Variants in HS2ST1 observed in about 807,000 individuals in gnomAD.
The protein encoded by HS2ST1 is heparan sulfate 2-O-sulfotransferase 1.
A neutral mutation model predicts 42.9 loss-of-function variants in HS2ST1; 18 were observed. The ratio of observed to expected loss-of-function variants is 0.42; its 90% confidence interval spans 0.29 to 0.62. The LOEUF (loss-of-function observed/expected upper bound fraction) is 0.62. HS2ST1 is among the 20% of genes least tolerant of loss of function. The pLI is 0.21. For missense variants in HS2ST1, 334 were observed against 433.8 expected (o/e 0.77, Z 2.04); for synonymous variants, 146 against 152.9 (o/e 0.95, Z 0.33).
intron 1 of HS2ST1, among the ~76,000 whole-genome samples, chr1:87,065,984 G>A (rs553104707): frequency 4.9e-4 from 74 of 151,968 alleles, no homozygotes; most frequent in Middle Eastern, 6.8e-3. Flanking sequence ...TATCCCTCTC[G>A]TCCTAAAATG....
intron 1 of HS2ST1, among the ~76,000 whole-genome samples, chr1:86,920,034 T>C (rs1247498846): frequency 7.9e-5 from 12 of 152,350 alleles, no homozygotes; most frequent in Admixed American, 4.6e-4. Flanking sequence ...GTTGCTAATA[T>C]TGACTGGTCG....
intron 1 of HS2ST1, among the ~76,000 whole-genome samples, chr1:86,916,383 G>A (rs915489310): frequency 6.6e-6 from 1 of 152,204 alleles, no homozygotes; most frequent in Non-Finnish European, 1.5e-5. Flanking sequence ...GTTACTGTGA[G>A]TGGATGATTA....
chr1:87,090,007 G>A (rs1651902882), intron 3 of HS2ST1, among the ~76,000 whole-genome samples: 1 of 151,930 alleles, frequency 6.6e-6, no homozygotes, highest in African/African-American at 2.4e-5. Context: ...AGGATAGAGA[G>A]GATTCCCAGG....
At position 87,106,551 on chromosome 1, in the gene HS2ST1, A is replaced by AAAACATTTATAAACAAAAG. The variant is rs1240215429; in HGVS notation, c.*1870_*1888dup. ...GGCATGAGGGAACACTTCTTATGAG[A>AAAACATTTATAAACAAAAG]AAACATTTATAAACAAAAGAAACAT... is the stretch of plus-strand genomic sequence containing the variant. On this transcript the variant is annotated 3_prime_UTR_variant, in exon 7 of 7. Transcript: ENST00000370550. 1 of 152,072 alleles carries AAAACATTTATAAACAAAAG rather than the reference A, an allele frequency of 6.6e-6. No individual in the cohort carries two copies. The highest frequency in any genetic ancestry group is 1.5e-5 in the Non-Finnish European group (1 of 67,940). The allele number at this position is 152,072 out of a possible 1,614,324, so 9.4% of individuals were successfully genotyped here.
At chr1:87,022,968 G>A (rs775303191) in intron 1 of HS2ST1, among the ~76,000 whole-genome samples, 26 of 152,156 alleles carry the variant, frequency 1.7e-4, no homozygotes, top group African/African-American at 5.3e-4. Context: ...TAGGAGGTAC[G>A]TATGATTTGT....
At chr1:86,947,800 A>G (rs542723921) in intron 1 of HS2ST1, among the ~76,000 whole-genome samples, 80 of 152,300 alleles carry the variant, frequency 5.3e-4, no homozygotes, top group African/African-American at 1.9e-3. Flanking sequence ...GGAAGGAGAC[A>G]CAAGGTAGGC....
At chr1:87,005,397 CTT>C (rs1649408275) in intron 1 of HS2ST1, among the ~76,000 whole-genome samples, 1 of 151,636 alleles carries the variant, frequency 6.6e-6, no homozygotes, top group Admixed American at 6.6e-5. Flanking sequence ...CTAATTGACT[CTT>C]AAATCATTAT....
intron 2 of HS2ST1, among the ~76,000 whole-genome samples, chr1:87,081,561 C>T (rs1651688967): frequency 6.6e-6 from 1 of 152,114 alleles, no homozygotes. Context: ...AAGTTTATTG[C>T]AATCAGTGCC....
At chr1:87,042,656 T>C (rs6703683) in intron 1 of HS2ST1, among the ~76,000 whole-genome samples, 115,493 of 151,920 alleles carry the variant, frequency 0.76, 44,779 homozygotes, top group East Asian at 0.97. Flanking sequence ...TAAAGGCCCT[T>C]TTCTTTCAGA....
chr1:86,999,758 A>C (rs1413354446), intron 1 of HS2ST1, among the ~76,000 whole-genome samples: 1 of 152,216 alleles, frequency 6.6e-6, no homozygotes, highest in African/African-American at 2.4e-5. Context: ...AATATTCTGC[A>C]AGAGTCTTTT....
intron 2 of HS2ST1, among the ~76,000 whole-genome samples, chr1:87,082,434 G>A (rs976941940): frequency 6.6e-6 from 1 of 152,128 alleles, no homozygotes; most frequent in African/African-American, 2.4e-5. Flanking sequence ...AGACCTCAAT[G>A]TAGCATCTTT....
At chr1:86,927,742 A>C (rs537643751) in intron 1 of HS2ST1, among the ~76,000 whole-genome samples, 14 of 151,998 alleles carry the variant, frequency 9.2e-5, no homozygotes, top group Non-Finnish European at 1.9e-4. Context: ...GTGCAGACTA[A>C]CTCTTGGCAT....
intron 3 of HS2ST1, among the ~76,000 whole-genome samples, chr1:87,086,614 C>T (rs541117440): frequency 3.9e-4 from 59 of 152,104 alleles, no homozygotes; most frequent in African/African-American, 9.2e-4. Flanking sequence ...AAAAAATGAA[C>T]GCTCCTTTCT....
chr1:87,027,704 T>C (rs1485547544), intron 1 of HS2ST1, among the ~76,000 whole-genome samples: 1 of 152,216 alleles, frequency 6.6e-6, no homozygotes, highest in Non-Finnish European at 1.5e-5. Flanking sequence ...TTTTTTCTTT[T>C]TTTGAGACAG....
chr1:87,015,348 G>GTTT lies in HS2ST1; in HGVS notation c.125-57571_125-57569dup, dbSNP rs35791774. ...GGCGTGAACCAACGTGCCTGGCCCT[G>GTTT]TTTTTTTTTTTTTTTTTGAGACAGA... is the stretch of plus-strand genomic sequence containing the variant. On this transcript the variant is annotated intron_variant, in intron 1 of 6. Transcript: ENST00000370550. Among the ~76,000 whole-genome samples, 57 of 131,716 alleles carry GTTT rather than the reference G, an allele frequency of 4.3e-4. 1 individual carries two copies. Among genetic ancestry groups the GTTT allele is most frequent in the African/African-American group, 5.2e-4 (18 of 34,498 alleles). 86.4% of individuals were successfully genotyped at this position (131,716 alleles called of 152,430 possible). A position where few individuals can be genotyped will look rare whatever the true frequency, so the allele number is the denominator to read the frequency against.
intron 1 of HS2ST1, among the ~76,000 whole-genome samples, chr1:86,972,382 C>T (rs1199768424): frequency 1.3e-5 from 2 of 151,906 alleles, no homozygotes; most frequent in Non-Finnish European, 2.9e-5. Flanking sequence ...ATGGAGGTCT[C>T]ATTCTATCGC....
intron 3 of HS2ST1, among the ~76,000 whole-genome samples, chr1:87,090,415 C>G (rs1343534426): frequency 1.3e-5 from 2 of 152,024 alleles, no homozygotes; most frequent in African/African-American, 4.8e-5. Context: ...ACTATTGGTA[C>G]TATGCCTACC....
chr1:87,009,333 C>A (rs1182869278), intron 1 of HS2ST1, among the ~76,000 whole-genome samples: 1 of 152,108 alleles, frequency 6.6e-6, no homozygotes, highest in Non-Finnish European at 1.5e-5. Flanking sequence ...TGAACAGGCT[C>A]AAATTAAATG....
intron 1 of HS2ST1, among the ~76,000 whole-genome samples, chr1:86,944,980 G>A (rs1476205938): frequency 6.6e-6 from 1 of 151,768 alleles, no homozygotes; most frequent in African/African-American, 2.4e-5. Context: ...GCAACCTGCT[G>A]TATTCTACTT....
Sources: gnomAD v4.1 joint callset for allele counts (sites outside exome capture counted in the v4.1 genomes callset) on GRCh38, gnomAD v4.1.1 for gene constraint, MANE v1.5 for transcripts, NCBI Gene and HGNC (gene_info 2026-07-23, HGNC 2026-07-21) for gene names.